CIITA: variants seen among roughly 807,000 people sequenced by gnomAD.
CIITA encodes the protein class II major histocompatibility complex transactivator.
CIITA carries 72 observed loss-of-function variants against 115.1 expected under a neutral mutation model. That is an observed-to-expected ratio of 0.63 (90% CI 0.52 to 0.76). CIITA has a LOEUF of 0.76. Among genes scored for constraint, CIITA ranks in the 30% least tolerant of loss-of-function variants. The probability of loss-of-function intolerance (pLI) is 0.00; values close to 1 mark genes in which losing one functional copy is unlikely to be tolerated. For missense variants in CIITA, 1,617 were observed against 1,463.8 expected, an observed-to-expected ratio of 1.10 and a Z score of -1.71; for synonymous variants, 763 against 635.6, an observed-to-expected ratio of 1.20 and a Z score of -3.02.
chr16:10,941,387 AAGCTTTCC>A (rs1816931134), downstream of CIITA: 1 of 363,014 alleles, frequency 2.8e-6, no homozygotes, highest in African/African-American at 2.1e-5. The surrounding 1 kb of genome is among the most constrained non-coding windows in gnomAD (Gnocchi z 6.4). Context: ...TTGCTGGAGG[AAGCTTTCC>A]AGCCCAAACG....
chr16:10,883,513 G>A (rs542609331), intron 1 of CIITA, among the ~76,000 whole-genome samples: 43 of 152,280 alleles, frequency 2.8e-4, no homozygotes, highest in Admixed American at 1.6e-3. Flanking sequence ...TGGCCCATTC[G>A]AGTTTTAAGA....
intron 16 of CIITA, 71 bp from the exon 17 acceptor site, chr16:10,922,096 G>C (rs1050183815): frequency 7.4e-7 from 1 of 1,345,454 alleles, no homozygotes; most frequent in East Asian, 2.3e-5. Context: ...TGGAATCTAG[G>C]GATGGTGGCT....
intron 12 of CIITA, 150 bp from the exon 13 acceptor site, chr16:10,910,038 T>TA: frequency 1.6e-6 from 1 of 609,872 alleles, no homozygotes; most frequent in Non-Finnish European, 2.9e-6. Context: ...CCCAGACAGA[T>TA]CTTTTTTTTT....
At position 10,910,236 on chromosome 16, in the gene CIITA, G is replaced by A. The variant is rs2144801964; in HGVS notation, c.2865G>A (p.Arg955=). The A allele has an allele frequency of 6.2e-7, 1 of 1,614,018 alleles. No homozygotes were observed. The highest frequency in any genetic ancestry group is 8.5e-7 in the Non-Finnish European group (1 of 1,179,986). ...CAGCTGGGGAGCTCCCTGCTGTTCG[G>A]GACCTAAAGAAACTGGAGTTTGCGT... ...EDTAGELPAV[R]DLKKLEFALG... is the part of the protein sequence containing the mutation. The change falls in exon 13 of 20, where the codon CGG becomes CGA. Residue 955 remains arginine (R), a synonymous_variant. Coordinates refer to ENST00000324288, the MANE Select transcript of CIITA (RefSeq NM_000246.4).
chr16:10,921,137 G>A (rs2040248567), intron 16 of CIITA, among the ~76,000 whole-genome samples: 1 of 152,214 alleles, frequency 6.6e-6, no homozygotes, highest in Non-Finnish European at 1.5e-5. Flanking sequence ...AAAGTGTTAG[G>A]ATTACAGGCG....
chr16:10,867,941 T>C (rs1322868796), intron 1 of CIITA, among the ~76,000 whole-genome samples: 1 of 151,934 alleles, frequency 6.6e-6, no homozygotes, highest in Non-Finnish European at 1.5e-5. Context: ...TAATTATTTT[T>C]TGTAGAGATG....
At position 10,942,530 on chromosome 16, in the gene CIITA, T is replaced by A. The variant is rs1433299612; in HGVS notation, n.1656T>A. 6.6e-6 allele frequency: 1 copy of A among 152,170 alleles called. No individual in the cohort carries two copies. The allele number at this position is 152,170 out of a possible 1,614,324, so 9.4% of individuals were successfully genotyped here. On this transcript the variant is annotated non_coding_transcript_exon_variant, in exon 2 of 2. Transcript: ENST00000573379. This position sits in a 1 kb window ranked among gnomAD's most constrained non-coding sequence, Gnocchi z 5.0. ...CAGGCCGCCCCCTGCACGCGCTAATTGGCCGGCTCAACGCCCGCGCTGATT... is the reference window on the plus strand; with the variant it reads ...CAGGCCGCCCCCTGCACGCGCTAATAGGCCGGCTCAACGCCCGCGCTGATT...
At chr16:10,876,343 C>A (rs556067765), upstream of CIITA, among the ~76,000 whole-genome samples, 1 of 152,154 alleles carries the variant, frequency 6.6e-6, no homozygotes, top group African/African-American at 2.4e-5. Context: ...TAAAACTTTA[C>A]GTCCCATTAT....
intron 12 of CIITA, among the ~76,000 whole-genome samples, chr16:10,909,759 G>A (rs370428194): frequency 1.2e-4 from 19 of 152,122 alleles, no homozygotes; most frequent in African/African-American, 2.4e-4. Context: ...TTAAAGACAG[G>A]GTCTCGCTGT....
chr16:10,894,604 A>T (rs1390610807), intron 1 of CIITA, among the ~76,000 whole-genome samples: 2 of 152,260 alleles, frequency 1.3e-5, no homozygotes, highest in Non-Finnish European at 2.9e-5. Flanking sequence ...ATTAAATGAA[A>T]TAGTGTTAAA....
In CIITA at chr16:10,906,955, T is replaced by C. The variant is rs2039205639; in HGVS notation, c.1463T>C (p.Leu488Ser). ...VAADEVFSHILKRPDRVLLIL... is the reference protein window; with the variant it reads ...VAADEVFSHISKRPDRVLLIL... ...GCCGATGAGGTTTTCAGCCACATCTTGAAGAGACCTGACCGCGTTCTGCTC... is the reference window on the plus strand; with the variant it reads ...GCCGATGAGGTTTTCAGCCACATCTCGAAGAGACCTGACCGCGTTCTGCTC... The change falls in exon 11 of 20, where the codon TTG (leucine) becomes TCG (serine). Residue 488 changes from leucine to serine, a missense_variant. Coordinates refer to ENST00000324288, the MANE Select transcript of CIITA (RefSeq NM_000246.4). The C allele has an allele frequency of 6.2e-7, 1 of 1,612,814 alleles. No individual in the cohort carries two copies. The highest frequency in any genetic ancestry group is 8.5e-7 in the Non-Finnish European group (1 of 1,179,918).
At chr16:10,887,886 T>A (rs2037121745) in intron 1 of CIITA, among the ~76,000 whole-genome samples, 1 of 152,118 alleles carries the variant, frequency 6.6e-6, no homozygotes, top group Admixed American at 6.6e-5. Context: ...AGTGCCTCCT[T>A]AGACCCTCAA....
rs563929033 is a variant in CIITA, at chr16:10,928,669, C to T, written c.*4814C>T. 1.3e-5 allele frequency: 2 copies of T among 152,422 alleles called. No individual in the cohort carries two copies. Among genetic ancestry groups the T allele is most frequent in the African/African-American group, 4.8e-5 (2 of 41,590 alleles). 9.4% of individuals were successfully genotyped at this position (152,422 alleles called of 1,614,324 possible). A position where few individuals can be genotyped will look rare whatever the true frequency, so the allele number is the denominator to read the frequency against. On this transcript the variant is annotated 3_prime_UTR_variant, in exon 20 of 20. Transcript: ENST00000324288. ...CACCCCCACTTCTATGGGATTCAGG[C>T]CTGGTTTCCAGCTTGGCCTTCAGGC...
At chr16:10,936,664 C>T (rs181500031), downstream of CIITA, 1 of 152,288 alleles carries the variant, frequency 6.6e-6, no homozygotes, top group East Asian at 1.9e-4. Context: ...ATGAAATAGG[C>T]CTGGCAGAAA....
At chr16:10,919,569 T>A (rs914760927) in intron 16 of CIITA, among the ~76,000 whole-genome samples, 2 of 152,022 alleles carry the variant, frequency 1.3e-5, no homozygotes, top group African/African-American at 4.8e-5. Flanking sequence ...AGTGCAGGGG[T>A]GCAATGATGG....
intron 9 of CIITA, 82 bp from the exon 10 acceptor site, chr16:10,904,662 T>G: frequency 6.9e-7 from 1 of 1,449,358 alleles, no homozygotes. Flanking sequence ...ATGAAGGCTG[T>G]AAGGACTAAG....
intron 13 of CIITA, among the ~76,000 whole-genome samples, chr16:10,912,805 C>G (rs1179803634): frequency 6.6e-6 from 1 of 152,202 alleles, no homozygotes; most frequent in Admixed American, 6.5e-5. Context: ...GGTGGAACAG[C>G]CTAGAGCCGG....
upstream of CIITA, among the ~76,000 whole-genome samples, chr16:10,876,175 CAA>C (rs923361235): frequency 1.3e-5 from 2 of 151,460 alleles, no homozygotes; most frequent in East Asian, 3.9e-4. Context: ...CAAAAACAAA[CAA>C]AAAAAACCCC....
intron 14 of CIITA, among the ~76,000 whole-genome samples, chr16:10,915,871 T>C (rs1296840694): frequency 6.6e-6 from 1 of 152,238 alleles, no homozygotes; most frequent in East Asian, 1.9e-4. Flanking sequence ...GCCCTCACTT[T>C]GTCCCTTTTT....
Sources: allele counts gnomAD v4.1 joint callset (sites outside exome capture counted in the v4.1 genomes callset), GRCh38; gene constraint gnomAD v4.1.1; non-coding constraint Gnocchi (gnomAD v3.1); transcripts MANE v1.5; gene names NCBI Gene and HGNC (gene_info 2026-07-23, HGNC 2026-07-21).